The following CTBP1 variants were observed in gnomAD, a reference collection of about 807,000 sequenced individuals.
The protein encoded by CTBP1 is C-terminal-binding protein 1.
In CTBP1, 11 loss-of-function variants were observed where a neutral mutation model predicts 42.1. The observed-to-expected ratio is 0.26, with a 90% CI of 0.16 to 0.43. The LOEUF (loss-of-function observed/expected upper bound fraction) is 0.43. CTBP1 is among the 20% of genes least tolerant of loss of function. The probability of loss-of-function intolerance (pLI) is 1.00; values close to 1 mark genes in which losing one functional copy is unlikely to be tolerated. For missense variants in CTBP1, 399 were observed against 624.3 expected (o/e 0.64, Z 3.85); for synonymous variants, 324 against 277.1 (o/e 1.17, Z -1.68).
rs968720354 is a variant in CTBP1 at position 1,233,435 on chromosome 4, G to A, written c.162+4748C>T. ...AGTGCAACTGTCCAGCTGGCTGCAG[G>A]TCCTCGCAGGCCACTGCGTCCTGTG... On this transcript the variant is annotated intron_variant, in intron 3 of 9. Transcript: ENST00000382952. The surrounding 1 kb of genome is among the most constrained non-coding windows in gnomAD (Gnocchi z 4.6). 3.3e-5 allele frequency among the ~76,000 whole-genome samples: 5 copies of A among 152,322 alleles called. 1 individual carries two copies. Among genetic ancestry groups the A allele is most frequent in the Admixed American group, 3.3e-4 (5 of 15,302 alleles).
At position 1,222,264 on chromosome 4, in the gene CTBP1, G is replaced by A. The variant is rs531460391; in HGVS notation, c.514+3096C>T. Among the ~76,000 whole-genome samples, 6 of 152,192 alleles carry A rather than the reference G, an allele frequency of 3.9e-5. No individual in the cohort carries two copies. The South Asian group carries it at 1.0e-3, about 26-fold the overall frequency. ...AGTCAAGGGTGCCAGGTGGGCAGCC[G>A]GGGTGGGGTAGGGGTCCCGTCCACA... On this transcript the variant is annotated intron_variant, in intron 5 of 9. Transcript: ENST00000382952.
intron 3 of CTBP1, among the ~76,000 whole-genome samples, chr4:1,229,077 C>G (rs1730693107): frequency 6.6e-6 from 1 of 152,336 alleles, no homozygotes; most frequent in East Asian, 1.9e-4. Context: ...AGCAGCCCAA[C>G]CCTGGCGCCT....
chr4:1,250,353 G>A, upstream of CTBP1: 1 of 280,786 alleles, frequency 3.6e-6, no homozygotes, highest in Non-Finnish European at 7.2e-6. Flanking sequence ...CCTGGCAGGT[G>A]TCACCAGAGC....
At chr4:1,223,141 G>A (rs1054069712) in intron 5 of CTBP1, among the ~76,000 whole-genome samples, 95 of 152,118 alleles carry the variant, frequency 6.2e-4, no homozygotes, top group Non-Finnish European at 2.9e-5. Flanking sequence ...CCGAGTCCCC[G>A]GCCCCTCCCG....
At chr4:1,214,618 G>A (rs920707029) in intron 6 of CTBP1, 145 bp from the exon 7 acceptor site, 2 of 1,082,690 alleles carry the variant, frequency 1.8e-6, no homozygotes, top group East Asian at 3.1e-5. Flanking sequence ...CACGGCGCTA[G>A]GACTGAAGGC....
At position 1,225,523 on chromosome 4, in the gene CTBP1, C is replaced by T. The variant is rs775346532; in HGVS notation, c.351G>A (p.Thr117=). 6 of 1,544,410 alleles carry T rather than the reference C, an allele frequency of 3.9e-6. No homozygotes were observed. Among genetic ancestry groups the T allele is most frequent in the Admixed American group, 3.9e-5 (2 of 50,996 alleles). Residue 117 remains threonine (T), a synonymous_variant, in exon 5 of 10, where the codon ACG becomes ACA. Coordinates refer to ENST00000382952, the MANE Select transcript of CTBP1 (RefSeq NM_001012614.2). ...GGATGTGGCACAGCGTCGAGTCGGCCGTCTCCTCCACAGACGCCGCGGGCA... is the reference window on the plus strand; with the variant it reads ...GGATGTGGCACAGCGTCGAGTCGGCTGTCTCCTCCACAGACGCCGCGGGCA... ...CNVPAASVEE[T]ADSTLCHILN...
chr4:1,241,039 A>G (rs6822461), intron 2 of CTBP1, among the ~76,000 whole-genome samples: 13,806 of 152,180 alleles, frequency 0.091, 655 homozygotes, highest in Middle Eastern at 0.12. Context: ...CGGCCTCCAC[A>G]TGGAGGCCCT....
chr4:1,225,626 C>T, intron 4 of CTBP1, 60 bp from the exon 5 acceptor site: 12 of 1,473,882 alleles, frequency 8.1e-6, no homozygotes, highest in Admixed American at 4.2e-5. Flanking sequence ...GGGAGGACAC[C>T]GGGGCCGCCG....
In CTBP1 at chr4:1,238,699, C is replaced by T. The variant is rs1419305506; in HGVS notation, c.8-362G>A. Among the ~76,000 whole-genome samples the T allele has an allele frequency of 6.6e-6, 1 of 150,388 alleles. No homozygotes were observed. Among genetic ancestry groups the T allele is most frequent in the Non-Finnish European group, 1.5e-5 (1 of 67,506 alleles). ...GACCCTCCGAGACCCCCCAAGAAAT[C>T]TCCAGACCCTCTGAGAACCTCCCAG... On this transcript the variant is annotated intron_variant, in intron 2 of 9. Transcript: ENST00000382952. This position sits in a 1 kb window ranked among gnomAD's most constrained non-coding sequence, Gnocchi z 5.9.
intron 1 of CTBP1, 56 bp downstream of exon 1, chr4:1,248,860 A>ACCC: frequency 7.4e-4 from 414 of 561,974 alleles, no homozygotes; most frequent in Non-Finnish European, 8.4e-4. Context: ...CCCGCGCGGC[A>ACCC]CCCGCCCCGC....
chr4:1,228,003 C>T (rs759315682), intron 4 of CTBP1, among the ~76,000 whole-genome samples, 196 bp downstream of exon 4: 13 of 152,152 alleles, frequency 8.5e-5, no homozygotes, highest in African/African-American at 1.2e-4. Context: ...AGAGGAAGTG[C>T]CCTGAGATGA....
chr4:1,221,724 G>A (rs981049633), intron 5 of CTBP1: 13 of 378,940 alleles, frequency 3.4e-5, no homozygotes, highest in Admixed American at 1.3e-4. Context: ...CAGGGTCGTC[G>A]CGGGGCCGCC....
rs1360356048 is a variant in CTBP1, at chr4:1,238,100, T to C, written c.162+83A>G. ...GCCCCAGTGGCACCCAGACCTGCTG[T>C]GGCCCGGGCCTGCCGTGCTCCCGTC... is the stretch of plus-strand genomic sequence containing the variant. On this transcript the variant is annotated intron_variant, in intron 3 of 9. Transcript: ENST00000382952. This position sits in a 1 kb window ranked among gnomAD's most constrained non-coding sequence, Gnocchi z 5.9. The C allele has an allele frequency of 4.4e-6, 7 of 1,576,020 alleles. No homozygotes were observed. The highest frequency in any genetic ancestry group is 2.2e-5 in the South Asian group (2 of 90,466).
At chr4:1,232,559 G>A (rs568934485) in intron 3 of CTBP1, among the ~76,000 whole-genome samples, 68 of 152,246 alleles carry the variant, frequency 4.5e-4, no homozygotes, top group Non-Finnish European at 7.1e-4. Flanking sequence ...TGATCCACCC[G>A]CCTCAGCCTC....
intron 5 of CTBP1, chr4:1,216,534 G>C (rs1729135103): frequency 2.1e-6 from 1 of 481,770 alleles, no homozygotes; most frequent in Admixed American, 3.8e-5. Flanking sequence ...GGACTGGTCA[G>C]TGGGTCTCCA....
chr4:1,222,819 C>G (rs551499265), intron 5 of CTBP1, among the ~76,000 whole-genome samples: 1 of 152,116 alleles, frequency 6.6e-6, no homozygotes, highest in African/African-American at 2.4e-5. Flanking sequence ...CCTTCAGGGC[C>G]GGGACCACAG....
rs1248561600 is a variant in CTBP1, at chr4:1,233,720, G to A, written c.162+4463C>T. ...AACACTGGGGCGCCTCCCAGGCCCC[G>A]ACATTCTTCCCGCTCCTCCTGTGAC... On this transcript the variant is annotated intron_variant, in intron 3 of 9. Coordinates refer to ENST00000382952, the MANE Select transcript of CTBP1 (RefSeq NM_001012614.2). The surrounding 1 kb of genome is among the most constrained non-coding windows in gnomAD (Gnocchi z 4.6). Among the ~76,000 whole-genome samples, 2 of 152,130 alleles carry A rather than the reference G, an allele frequency of 1.3e-5. No homozygotes were observed. Among genetic ancestry groups the A allele is most frequent in the Admixed American group, 6.5e-5 (1 of 15,282 alleles).
intron 1 of CTBP1, 91 bp downstream of exon 1, chr4:1,248,825 G>GGC: frequency 1.1e-6 from 1 of 908,000 alleles, no homozygotes; most frequent in Non-Finnish European, 1.3e-6. Context: ...GCGGGCGCGC[G>GGC]CTCGGTCCGC....
intron 5 of CTBP1, among the ~76,000 whole-genome samples, chr4:1,222,012 T>C (rs1470315280): frequency 1.3e-5 from 2 of 152,162 alleles, no homozygotes; most frequent in African/African-American, 2.4e-5. Flanking sequence ...TGCCCAGGGC[T>C]TCCACATTCC....
Sources: allele counts gnomAD v4.1 joint callset (sites outside exome capture counted in the v4.1 genomes callset), GRCh38; gene constraint gnomAD v4.1.1; non-coding constraint Gnocchi (gnomAD v3.1); transcripts MANE v1.5; gene names NCBI Gene and HGNC (gene_info 2026-07-23, HGNC 2026-07-21).